The following DPYSL3 variants were observed in gnomAD, a reference collection of about 807,000 sequenced individuals.
DPYSL3 encodes the protein dihydropyrimidinase like 3.
In DPYSL3, 16 loss-of-function variants were observed where a neutral mutation model predicts 66.1. That is an observed-to-expected ratio of 0.24 (90% CI 0.16 to 0.37). The LOEUF (loss-of-function observed/expected upper bound fraction) is 0.37, where lower values mean the gene tolerates loss of function less well. DPYSL3 is among the 10% of genes least tolerant of loss of function. The probability of loss-of-function intolerance (pLI) is 1.00; values close to 1 mark genes in which losing one functional copy is unlikely to be tolerated. For missense variants in DPYSL3, 738 were observed against 916.2 expected, an observed-to-expected ratio of 0.81 and a Z score of 2.51; for synonymous variants, 338 against 345.1, an observed-to-expected ratio of 0.98 and a Z score of 0.23.
Position 147,419,551 on chromosome 5 carries a change from T to A in DPYSL3, c.471-920A>T, listed in dbSNP as rs564200090. On this transcript the variant is annotated intron_variant, in intron 2 of 13. Transcript: ENST00000343218. ...AATAGCTGGTTAAACATGTCCACTATGGATAACAGGGAGACCTATGATTCA... is the reference window on the plus strand; with the variant it reads ...AATAGCTGGTTAAACATGTCCACTAAGGATAACAGGGAGACCTATGATTCA... Among the ~76,000 whole-genome samples the A allele has an allele frequency of 3.9e-5, 6 of 152,352 alleles. 1 individual carries two copies. The South Asian group carries it at 1.0e-3, about 26-fold the overall frequency.
At chr5:147,444,469 T>C (rs574882971) in intron 1 of DPYSL3, among the ~76,000 whole-genome samples, 1 of 152,296 alleles carries the variant, frequency 6.6e-6, no homozygotes, top group Admixed American at 6.5e-5. Flanking sequence ...CAATAAAAAA[T>C]AGCAAAATGC....
chr5:147,438,481 A>G (rs963754910), intron 1 of DPYSL3, among the ~76,000 whole-genome samples: 1 of 152,334 alleles, frequency 6.6e-6, no homozygotes, highest in East Asian at 1.9e-4. Context: ...GGCTTTACTC[A>G]TACTAGGCAC....
In DPYSL3 at chr5:147,509,583, C is replaced by T; in HGVS notation, c.276G>A (p.Arg92=). Residue 92 remains arginine, a synonymous_variant, in exon 1 of 14, where the codon CGG becomes CGA. Coordinates refer to ENST00000343218, the MANE Select transcript of DPYSL3 (RefSeq NM_001197294.2). This position sits in a 1 kb window ranked among gnomAD's most constrained non-coding sequence, Gnocchi z 5.3. ...CGGGCGCGGGCTCCCTGCTCTCTTCCCGGCCTTGGCCCCTGCGCGGGGTGT... is the reference window on the plus strand; with the variant it reads ...CGGGCGCGGGCTCCCTGCTCTCTTCTCGGCCTTGGCCCCTGCGCGGGGTGT... ...EGDTPRRGQG[R]EESREPAPAS... 6.5e-7 allele frequency: 1 copy of T among 1,535,392 alleles called. No individual in the cohort carries two copies. The highest frequency in any genetic ancestry group is 8.7e-7 in the Non-Finnish European group (1 of 1,146,638).
intron 6 of DPYSL3, among the ~76,000 whole-genome samples, chr5:147,410,747 A>G (rs1350181999): frequency 1.3e-5 from 2 of 152,140 alleles, no homozygotes; most frequent in Non-Finnish European, 2.9e-5. Context: ...TCATATACTC[A>G]CTTTTGAATA....
At chr5:147,466,130 T>C (rs1471947602) in intron 1 of DPYSL3, among the ~76,000 whole-genome samples, 1 of 152,190 alleles carries the variant, frequency 6.6e-6, no homozygotes, top group African/African-American at 2.4e-5. Flanking sequence ...TCAGTGCCCA[T>C]TAGCTAGAGT....
chr5:147,478,367 A>C (rs999104227), intron 1 of DPYSL3, among the ~76,000 whole-genome samples: 1 of 152,230 alleles, frequency 6.6e-6, no homozygotes, highest in Non-Finnish European at 1.5e-5. Flanking sequence ...GGGTTGCCTC[A>C]GTAAGAAAGA....
At chr5:147,462,431 C>T (rs980384133) in intron 1 of DPYSL3, among the ~76,000 whole-genome samples, 1 of 152,054 alleles carries the variant, frequency 6.6e-6, no homozygotes, top group African/African-American at 2.4e-5. Flanking sequence ...ATGACAAGTA[C>T]ATTGAAGGCT....
chr5:147,487,578 C>T (rs1412660297), intron 1 of DPYSL3, among the ~76,000 whole-genome samples: 3 of 152,158 alleles, frequency 2.0e-5, no homozygotes, highest in Non-Finnish European at 2.9e-5. Flanking sequence ...AACCCACCAC[C>T]TGTTTTTTTG....
intron 13 of DPYSL3, among the ~76,000 whole-genome samples, chr5:147,394,798 C>G (rs1757922278): frequency 6.6e-6 from 1 of 152,160 alleles, no homozygotes; most frequent in Non-Finnish European, 1.5e-5. Context: ...TCCCCTAGGT[C>G]TCCCTTACCT....
intron 1 of DPYSL3, among the ~76,000 whole-genome samples, chr5:147,460,696 C>T (rs1311813382): frequency 6.6e-6 from 1 of 152,154 alleles, no homozygotes; most frequent in African/African-American, 2.4e-5. Flanking sequence ...AGCCATGAGC[C>T]AAGGAATGTA....
chr5:147,460,225 A>G (rs1046472630), intron 1 of DPYSL3, among the ~76,000 whole-genome samples: 10 of 152,212 alleles, frequency 6.6e-5, no homozygotes, highest in African/African-American at 2.4e-4. Context: ...CGAGGGGAAA[A>G]ACTCTTGACA....
chr5:147,443,042 C>T (rs1752563385), intron 1 of DPYSL3, among the ~76,000 whole-genome samples: 1 of 152,074 alleles, frequency 6.6e-6, no homozygotes, highest in Non-Finnish European at 1.5e-5. Flanking sequence ...CAGATAGTAG[C>T]AAAAACACTA....
chr5:147,395,733 G>A lies in DPYSL3; in HGVS notation c.1804-12C>T. 3 of 1,613,342 alleles carry A rather than the reference G, an allele frequency of 1.9e-6. No individual in the cohort carries two copies. The highest frequency in any genetic ancestry group is 2.5e-6 in the Non-Finnish European group (3 of 1,179,984). ...TGCAGGTCTGCCATCTGCAGCCAGA[G>A]AAGAGCATGTCACCATTCATTCATT... On this transcript the variant is annotated splice_polypyrimidine_tract_variant and intron_variant, in intron 12 of 13. Coordinates refer to ENST00000343218, the MANE Select transcript of DPYSL3 (RefSeq NM_001197294.2).
intron 1 of DPYSL3, among the ~76,000 whole-genome samples, chr5:147,432,768 T>C (rs926888389): frequency 7.9e-5 from 12 of 152,232 alleles, no homozygotes; most frequent in Non-Finnish European, 1.6e-4. Context: ...ATTTGCTTAA[T>C]ATTATCCTTA....
intron 1 of DPYSL3, among the ~76,000 whole-genome samples, chr5:147,488,499 T>G (rs868169625): frequency 1.2e-4 from 18 of 152,128 alleles, no homozygotes; most frequent in Admixed American, 2.0e-4. Flanking sequence ...GCCACAGCAG[T>G]CAATAAAAAA....
intron 7 of DPYSL3, 37 bp downstream of exon 7, chr5:147,408,691 A>G (rs780465587): frequency 5.6e-6 from 9 of 1,604,470 alleles, no homozygotes; most frequent in African/African-American, 1.3e-5. Flanking sequence ...ATGTTTATTC[A>G]TGCGTTGTGT....
intron 1 of DPYSL3, among the ~76,000 whole-genome samples, chr5:147,488,277 A>C (rs1753365128): frequency 6.6e-6 from 1 of 152,154 alleles, no homozygotes. Context: ...AGATCAAGGG[A>C]AGGAAGAAGT....
intron 1 of DPYSL3, among the ~76,000 whole-genome samples, chr5:147,500,272 C>T (rs1171964594): frequency 6.6e-6 from 1 of 152,118 alleles, no homozygotes; most frequent in African/African-American, 2.4e-5. Flanking sequence ...TTGCAAAATA[C>T]ATATCTGATA....
intron 1 of DPYSL3, among the ~76,000 whole-genome samples, chr5:147,444,114 G>A (rs1581197689): frequency 1.3e-5 from 2 of 152,202 alleles, no homozygotes; most frequent in African/African-American, 2.4e-5. Flanking sequence ...CTCCAGAGGT[G>A]GGAGAGGGAT....
Sources: gnomAD v4.1 joint callset for allele counts (sites outside exome capture counted in the v4.1 genomes callset) on GRCh38, gnomAD v4.1.1 for gene constraint, Gnocchi (gnomAD v3.1) non-coding constraint, MANE v1.5 for transcripts, NCBI Gene and HGNC (gene_info 2026-07-23, HGNC 2026-07-21) for gene names.